The following SH3RF3 variants were observed in gnomAD, a reference collection of about 807,000 sequenced individuals.
SH3RF3 encodes E3 ubiquitin-protein ligase SH3RF3.
Under a neutral mutation model 66.3 loss-of-function variants are expected in SH3RF3, and 29 were observed. That is an observed-to-expected ratio of 0.44 (90% CI 0.33 to 0.60). The LOEUF is 0.60. Ranked by LOEUF, SH3RF3 falls within the 20% of genes least tolerant of loss-of-function variation. The probability of loss-of-function intolerance (pLI) is 0.04; values close to 1 mark genes in which losing one functional copy is unlikely to be tolerated. For missense variants in SH3RF3, 1,194 were observed against 1,190.9 expected, an observed-to-expected ratio of 1.00 and a Z score of -0.04; for synonymous variants, 583 against 532.0, an observed-to-expected ratio of 1.10 and a Z score of -1.32.
rs1346985959 is a variant in SH3RF3, at chr2:109,271,011, T to C, written c.574-76663T>C. ...ATTCCATTTTCTGGGTCACCCCTCA[T>C]TGAACATTTACTATGTGCCTGGTGA... is the stretch of plus-strand genomic sequence containing the variant. On this transcript the variant is annotated intron_variant, in intron 1 of 9. Coordinates refer to ENST00000309415, the MANE Select transcript of SH3RF3 (RefSeq NM_001099289.3). 3.9e-5 allele frequency among the ~76,000 whole-genome samples: 6 copies of C among 152,338 alleles called. No homozygotes were observed. The East Asian group carries it at 7.7e-4, about 20-fold the overall frequency.
At chr2:109,253,278 C>A (rs1427152947) in intron 1 of SH3RF3, among the ~76,000 whole-genome samples, 1 of 152,210 alleles carries the variant, frequency 6.6e-6, no homozygotes, top group Admixed American at 6.5e-5. Context: ...CTCAGCCTCC[C>A]AAAGTGCTGG....
intron 1 of SH3RF3, among the ~76,000 whole-genome samples, chr2:109,175,494 C>T (rs1229118081): frequency 2.0e-5 from 3 of 152,214 alleles, no homozygotes; most frequent in Non-Finnish European, 4.4e-5. Flanking sequence ...TTCCTTTACT[C>T]AACAAGTATT....
chr2:109,478,680 G>T (rs973024854), intron 8 of SH3RF3, among the ~76,000 whole-genome samples: 2 of 152,146 alleles, frequency 1.3e-5, no homozygotes, highest in Admixed American at 6.5e-5. Flanking sequence ...CAAAAATACG[G>T]TGTGGTGGGG....
chr2:109,188,003 C>T (rs1399194315), intron 1 of SH3RF3, among the ~76,000 whole-genome samples: 1 of 152,216 alleles, frequency 6.6e-6, no homozygotes, highest in Non-Finnish European at 1.5e-5. Flanking sequence ...CGGGGGTTGC[C>T]TCTGCTCCAT....
Position 109,202,239 on chromosome 2 carries a change from G to A in SH3RF3, c.573+72126G>A, listed in dbSNP as rs148344033. ...CCTGTGGACTGCAGAGTGAGGATGC[G>A]GCCCCCACCTTGCCTCCAGTGCTGC... On this transcript the variant is annotated intron_variant, in intron 1 of 9. Transcript: ENST00000309415. Among the ~76,000 whole-genome samples the A allele has an allele frequency of 3.1e-3, 477 of 152,264 alleles. 3 individuals are homozygous for A. The highest frequency in any genetic ancestry group is 0.011 in the African/African-American group (442 of 41,552).
intron 1 of SH3RF3, among the ~76,000 whole-genome samples, chr2:109,238,638 T>C (rs1224476431): frequency 6.6e-6 from 1 of 152,112 alleles, no homozygotes; most frequent in Non-Finnish European, 1.5e-5. Flanking sequence ...CAGAGTTTCT[T>C]AAACCCAGAG....
chr2:109,489,576 C>G (rs1679072725), intron 8 of SH3RF3, among the ~76,000 whole-genome samples: 1 of 152,204 alleles, frequency 6.6e-6, no homozygotes, highest in Admixed American at 6.5e-5. Flanking sequence ...TGGCCAGGGT[C>G]CCGTGACAGA....
chr2:109,419,992 C>T (rs1475220989), intron 5 of SH3RF3, among the ~76,000 whole-genome samples: 2 of 152,116 alleles, frequency 1.3e-5, no homozygotes, highest in Non-Finnish European at 2.9e-5. Context: ...GAAGCAGGTG[C>T]GCAGAGCAGC....
At chr2:109,348,863 T>C (rs942056253) in intron 2 of SH3RF3, among the ~76,000 whole-genome samples, 4 of 152,134 alleles carry the variant, frequency 2.6e-5, no homozygotes, top group Non-Finnish European at 1.5e-5. Flanking sequence ...AGAATCCTAA[T>C]GCAGATCTCT....
At chr2:109,151,323 T>C (rs1025406254) in intron 1 of SH3RF3, among the ~76,000 whole-genome samples, 6 of 152,224 alleles carry the variant, frequency 3.9e-5, no homozygotes, top group African/African-American at 1.4e-4. Context: ...CCTGGAAATC[T>C]GTGCCTACAC....
chr2:109,498,894 A>G lies in SH3RF3; in HGVS notation c.2481-2609A>G, dbSNP rs1201685965. On this transcript the variant is annotated intron_variant, in intron 9 of 9. Coordinates refer to ENST00000309415, the MANE Select transcript of SH3RF3 (RefSeq NM_001099289.3). ...GGGCGTTCTGGGCAGAGGGAGCAGC[A>G]TATGGAGGAGCCCTGAGGTGGGTGC... Among the ~76,000 whole-genome samples the G allele has an allele frequency of 2.0e-5, 3 of 152,192 alleles. 1 individual carries two copies. The highest frequency in any genetic ancestry group is 7.2e-5 in the African/African-American group (3 of 41,456).
At chr2:109,458,572 CAG>C (rs70958708) in intron 8 of SH3RF3, among the ~76,000 whole-genome samples, 3,651 of 122,830 alleles carry the variant, frequency 0.03, 183 homozygotes, top group African/African-American at 0.086. Context: ...CAGCAGGAGA[CAG>C]AGAGAGAGAG....
intron 1 of SH3RF3, among the ~76,000 whole-genome samples, chr2:109,153,339 CTCT>C (rs992398103): frequency 1.7e-4 from 26 of 152,088 alleles, no homozygotes; most frequent in African/African-American, 5.8e-4. Context: ...CTTTTTTTCT[CTCT>C]TCTTCTTAGT....
chr2:109,429,712 A>T (rs997365076), intron 5 of SH3RF3, among the ~76,000 whole-genome samples: 8 of 152,124 alleles, frequency 5.3e-5, no homozygotes, highest in African/African-American at 1.9e-4. Context: ...ATGCGTGACC[A>T]TGGACAGAAG....
At chr2:109,181,142 G>T (rs1329025041) in intron 1 of SH3RF3, among the ~76,000 whole-genome samples, 1 of 152,138 alleles carries the variant, frequency 6.6e-6, no homozygotes, top group Non-Finnish European at 1.5e-5. Flanking sequence ...CTTCCAGCTC[G>T]TCTGTGTTTG....
intron 1 of SH3RF3, among the ~76,000 whole-genome samples, chr2:109,238,316 T>G (rs1313151137): frequency 6.6e-6 from 1 of 152,248 alleles, no homozygotes; most frequent in Non-Finnish European, 1.5e-5. Flanking sequence ...ACTGTATTTT[T>G]AAAAATCTTA....
At chr2:109,166,190 A>G (rs1677616702) in intron 1 of SH3RF3, among the ~76,000 whole-genome samples, 1 of 152,124 alleles carries the variant, frequency 6.6e-6, no homozygotes, top group Non-Finnish European at 1.5e-5. Context: ...TTCAAAGGAA[A>G]GATGCAGGCC....
In SH3RF3 at chr2:109,400,024, G is replaced by A. The variant is rs566965015; in HGVS notation, c.1299+1081G>A. Among the ~76,000 whole-genome samples the A allele has an allele frequency of 7.2e-5, 11 of 152,326 alleles. No homozygotes were observed. In the East Asian group the frequency reaches 9.6e-4, roughly 13 times the overall value. On this transcript the variant is annotated intron_variant, in intron 4 of 9. Coordinates refer to ENST00000309415, the MANE Select transcript of SH3RF3 (RefSeq NM_001099289.3). ...CCTGGACAGGCCTCAGAGCAAGGGC[G>A]CTGATCTGCGGGGAATCATGGGGCA...
chr2:109,367,470 C>A (rs993159913), intron 2 of SH3RF3, among the ~76,000 whole-genome samples: 1 of 151,868 alleles, frequency 6.6e-6, no homozygotes, highest in Non-Finnish European at 1.5e-5. Flanking sequence ...TTAATAGAAA[C>A]GGGGTTTCAC....
Sources: allele counts gnomAD v4.1 joint callset (sites outside exome capture counted in the v4.1 genomes callset), GRCh38; gene constraint gnomAD v4.1.1; transcripts MANE v1.5; gene names NCBI Gene and HGNC (gene_info 2026-07-23, HGNC 2026-07-21).